Variants in TASP1 observed in about 807,000 individuals in gnomAD.
The protein encoded by TASP1 is threonine aspartase 1.
In TASP1, 16 loss-of-function variants were observed where a neutral mutation model predicts 56.6. That is an observed-to-expected ratio of 0.28 (90% CI 0.19 to 0.43). TASP1 has a LOEUF of 0.43. TASP1 is among the 20% of genes least tolerant of loss of function. The pLI, the probability that TASP1 is intolerant of heterozygous loss-of-function variation, is 1.00. For synonymous variants in TASP1, 179 were observed against 184.2 expected (o/e 0.97, Z 0.23); for missense variants, 393 against 511.6 (o/e 0.77, Z 2.24).
chr20:13,445,594 G>A (rs1568811834), intron 11 of TASP1, among the ~76,000 whole-genome samples: 1 of 152,248 alleles, frequency 6.6e-6, no homozygotes, highest in East Asian at 1.9e-4. Context: ...ACTCAGTGGA[G>A]GGGAAGCCAA....
chr20:13,509,729 C>T lies in TASP1; in HGVS notation c.874+18704G>A, dbSNP rs187118627. Among the ~76,000 whole-genome samples the T allele has an allele frequency of 4.3e-3, 648 of 152,264 alleles. 3 individuals carry two copies. Among genetic ancestry groups the T allele is most frequent in the Non-Finnish European group, 4.3e-3 (291 of 68,018 alleles). ...CAACTTCCACCTTCCTGGGTTCAAG[C>T]GATTCTCCTGCCTCAGCCTCCTGAC... On this transcript the variant is annotated intron_variant, in intron 10 of 13. Transcript: ENST00000337743.
chr20:13,331,673 CT>C, the TASP1 span, among the ~76,000 whole-genome samples: 8,183 of 131,300 alleles, frequency 0.062, 347 homozygotes, highest in East Asian at 0.19. Flanking sequence ...TTTTTTGTGG[CT>C]TTTTTTTTTT....
the TASP1 span, among the ~76,000 whole-genome samples, chr20:13,217,061 A>G: frequency 6.6e-6 from 1 of 152,204 alleles, no homozygotes; most frequent in Non-Finnish European, 1.5e-5. Flanking sequence ...ACACCCAGAA[A>G]ACGTCTCTGG....
chr20:13,548,907 T>C (rs1448411627), intron 8 of TASP1, among the ~76,000 whole-genome samples: 1 of 152,158 alleles, frequency 6.6e-6, no homozygotes, highest in Admixed American at 6.6e-5. Flanking sequence ...TAAGAATCTG[T>C]AGTTTTAAAA....
At chr20:13,235,438 C>T in the TASP1 span, among the ~76,000 whole-genome samples, 2 of 152,140 alleles carry the variant, frequency 1.3e-5, no homozygotes, top group Non-Finnish European at 2.9e-5. Context: ...TTCTCTACAT[C>T]TCTGTGTCCC....
At chr20:13,362,219 T>A in the TASP1 span, among the ~76,000 whole-genome samples, 2 of 150,742 alleles carry the variant, frequency 1.3e-5, no homozygotes, top group South Asian at 4.2e-4. Flanking sequence ...ATTTTTCTTA[T>A]TAATATAAGA....
intron 4 of TASP1, among the ~76,000 whole-genome samples, chr20:13,604,957 T>G (rs79616312): frequency 0.044 from 6,550 of 149,292 alleles, 451 homozygotes; most frequent in African/African-American, 0.15. Flanking sequence ...TTCACATAAA[T>G]TCACATAAAG....
intron 10 of TASP1, among the ~76,000 whole-genome samples, chr20:13,484,557 G>A (rs1260897401): frequency 6.6e-6 from 1 of 151,990 alleles, no homozygotes; most frequent in Non-Finnish European, 1.5e-5. Context: ...CCAACATGGT[G>A]AAACCCCATC....
chr20:13,135,622 C>T, the TASP1 span, among the ~76,000 whole-genome samples: 3 of 152,184 alleles, frequency 2.0e-5, no homozygotes, highest in African/African-American at 7.2e-5. Context: ...TACGGGCCCA[C>T]TTATCTGAAG....
the TASP1 span, among the ~76,000 whole-genome samples, chr20:13,343,655 C>A: frequency 6.7e-6 from 1 of 149,272 alleles, no homozygotes; most frequent in Non-Finnish European, 1.5e-5. Flanking sequence ...AGATGGCCCA[C>A]CCGTGTCCTG....
the TASP1 span, among the ~76,000 whole-genome samples, chr20:13,113,595 G>A: frequency 6.6e-6 from 1 of 152,158 alleles, no homozygotes; most frequent in Non-Finnish European, 1.5e-5. Flanking sequence ...ATATAGAGGA[G>A]TCAGGATTTG....
chr20:13,138,991 G>A, the TASP1 span, among the ~76,000 whole-genome samples: 1 of 152,160 alleles, frequency 6.6e-6, no homozygotes, highest in African/African-American at 2.4e-5. Flanking sequence ...ACAGTAATCA[G>A]CAGGCACTGG....
intron 12 of TASP1, among the ~76,000 whole-genome samples, chr20:13,417,949 G>A (rs2146071195): frequency 6.6e-6 from 1 of 152,278 alleles, no homozygotes; most frequent in African/African-American, 2.4e-5. Flanking sequence ...TTTCACTCTT[G>A]TTGTCCAGGC....
chr20:13,628,792 A>G (rs2048986504), intron 2 of TASP1, among the ~76,000 whole-genome samples: 1 of 152,210 alleles, frequency 6.6e-6, no homozygotes, highest in African/African-American at 2.4e-5. Flanking sequence ...AAAAATGGCC[A>G]AAGGAAAAAG....
At chr20:13,555,733 T>C (rs965667718) in intron 8 of TASP1, among the ~76,000 whole-genome samples, 2 of 152,202 alleles carry the variant, frequency 1.3e-5, no homozygotes, top group Non-Finnish European at 2.9e-5. Flanking sequence ...ATATACACAA[T>C]GGCATCTAGA....
the TASP1 span, among the ~76,000 whole-genome samples, chr20:13,200,757 C>T: frequency 6.6e-6 from 1 of 152,322 alleles, no homozygotes; most frequent in East Asian, 1.9e-4. Context: ...AAATTTCCAC[C>T]TAATCTGGAT....
chr20:13,172,056 A>G, the TASP1 span, among the ~76,000 whole-genome samples: 1 of 152,240 alleles, frequency 6.6e-6, no homozygotes, highest in South Asian at 2.1e-4. Context: ...CCAGAAAAAA[A>G]TAGAAAACAT....
the TASP1 span, among the ~76,000 whole-genome samples, chr20:13,163,404 G>A: frequency 7.2e-3 from 1,029 of 143,808 alleles, 7 homozygotes; most frequent in African/African-American, 0.025. Flanking sequence ...AAATCCTAAT[G>A]TTTTCCTCCT....
chr20:13,338,259 C>G, the TASP1 span, among the ~76,000 whole-genome samples: 1 of 152,152 alleles, frequency 6.6e-6, no homozygotes, highest in Non-Finnish European at 1.5e-5. Flanking sequence ...TCTGACCTGC[C>G]ATGGCATTTG....
Sources: allele counts gnomAD v4.1 joint callset (sites outside exome capture counted in the v4.1 genomes callset), GRCh38; gene constraint gnomAD v4.1.1; transcripts MANE v1.5; gene names NCBI Gene and HGNC (gene_info 2026-07-23, HGNC 2026-07-21).